The following ZDHHC9 variants were observed in gnomAD, a reference collection of about 807,000 sequenced individuals.
ZDHHC9 encodes the protein zDHHC palmitoyltransferase 9, also known as palmitoyltransferase ZDHHC9.
ZDHHC9 carries 3 observed loss-of-function variants against 26.6 expected under a neutral mutation model. The observed-to-expected ratio is 0.11, with a 90% confidence interval of 0.05 to 0.29. The LOEUF (loss-of-function observed/expected upper bound fraction) is 0.29, where lower values mean the gene tolerates loss of function less well. Ranked by LOEUF, ZDHHC9 falls within the 10% of genes least tolerant of loss-of-function variation. The pLI is 1.00. For missense variants in ZDHHC9, 146 were observed against 296.4 expected, an observed-to-expected ratio of 0.49 and a Z score of 3.73; for synonymous variants, 111 against 109.4, an observed-to-expected ratio of 1.01 and a Z score of -0.09.
intron 2 of ZDHHC9, 126 bp from the exon 3 acceptor site, chrX:129,842,206 T>C (rs1321615583): frequency 1.5e-5 from 6 of 402,981 alleles, no homozygotes; most frequent in East Asian, 8.4e-5. Flanking sequence ...GTGGGAAAAG[T>C]TTATTTCCAA....
At chrX:129,812,573 C>A in intron 8 of ZDHHC9, 145 bp downstream of exon 8, 1 of 552,322 alleles carries the variant, frequency 1.8e-6, no homozygotes, top group Non-Finnish European at 3.2e-6. Flanking sequence ...CTCTTCCACA[C>A]ATCTGACTTA....
intron 3 of ZDHHC9, among the ~76,000 whole-genome samples, chrX:129,834,448 A>T (rs909605429): frequency 3.6e-5 from 4 of 111,586 alleles, no homozygotes; most frequent in Admixed American, 1.9e-4. Context: ...ATTTACAATC[A>T]GCCTCCAGAT....
intron 2 of ZDHHC9, 80 bp from the exon 3 acceptor site, chrX:129,842,160 A>G (rs1329180918): frequency 2.0e-5 from 9 of 451,602 alleles, no homozygotes; most frequent in South Asian, 3.5e-5. Flanking sequence ...CAGAGACAGA[A>G]AGTTGAAAAC....
intron 3 of ZDHHC9, among the ~76,000 whole-genome samples, chrX:129,835,446 CAAAAAA>C (rs59940283): frequency 1.8e-5 from 1 of 54,234 alleles, no homozygotes; most frequent in African/African-American, 5.6e-5. Context: ...GACCCTATCT[CAAAAAA>C]AAAAAAAAAA....
intron 4 of ZDHHC9, among the ~76,000 whole-genome samples, chrX:129,824,283 T>TA (rs1451424001): frequency 9.0e-6 from 1 of 111,347 alleles, no homozygotes; most frequent in Non-Finnish European, 1.9e-5. Context: ...CAGCTGCTAC[T>TA]AAACTTTTTT....
intron 4 of ZDHHC9, among the ~76,000 whole-genome samples, chrX:129,826,826 A>T (rs1235710905): frequency 7.1e-5 from 8 of 111,952 alleles, no homozygotes; most frequent in Admixed American, 1.9e-4. Flanking sequence ...CCTTAGCTCA[A>T]CTAAAACAGG....
At chrX:129,808,768 A>G (rs1193743454) in intron 10 of ZDHHC9, among the ~76,000 whole-genome samples, 1 of 112,337 alleles carries the variant, frequency 8.9e-6, no homozygotes, top group African/African-American at 3.2e-5. Context: ...TATCAAGAAA[A>G]TTAAAAGATA....
In ZDHHC9 at chrX:129,805,492, T is replaced by A. The variant is rs1045615046; in HGVS notation, c.*878A>T. On this transcript the variant is annotated 3_prime_UTR_variant, in exon 11 of 11. Coordinates refer to ENST00000357166, the MANE Select transcript of ZDHHC9 (RefSeq NM_016032.4). ...TCAGGCTTCCTCTGAGGAAAAGAAATGACCAAAGTGCAGACTTTTATTACT... is the reference window on the plus strand; with the variant it reads ...TCAGGCTTCCTCTGAGGAAAAGAAAAGACCAAAGTGCAGACTTTTATTACT... The A allele has an allele frequency of 2.7e-5, 3 of 111,020 alleles. No individual in the cohort carries two copies. Among genetic ancestry groups the A allele is most frequent in the Admixed American group, 1.9e-4 (2 of 10,525 alleles). 9.1% of individuals were successfully genotyped at this position (111,020 alleles called of 1,213,427 possible).
intron 6 of ZDHHC9, 87 bp downstream of exon 6, chrX:129,814,571 C>T: frequency 2.6e-6 from 3 of 1,164,228 alleles, no homozygotes; most frequent in Non-Finnish European, 3.5e-6. Context: ...ATGGTACCAC[C>T]AGGAAACCCA....
At chrX:129,812,600 C>T (rs1602945521) in intron 8 of ZDHHC9, 118 bp downstream of exon 8, 2 of 611,085 alleles carry the variant, frequency 3.3e-6, no homozygotes, top group Admixed American at 2.2e-5. Context: ...TCGCATACCA[C>T]GTTTCTGCCT....
chrX:129,837,050 G>T (rs1311924340), intron 3 of ZDHHC9, among the ~76,000 whole-genome samples: 4 of 112,103 alleles, frequency 3.6e-5, no homozygotes, highest in Non-Finnish European at 7.5e-5. Context: ...ACGTTGGCTG[G>T]TCAACTCATC....
intron 3 of ZDHHC9, among the ~76,000 whole-genome samples, chrX:129,835,446 CAA>C (rs59940283): frequency 7.9e-4 from 43 of 54,167 alleles, no homozygotes; most frequent in African/African-American, 1.1e-3. Context: ...GACCCTATCT[CAA>C]AAAAAAAAAA....
At chrX:129,825,300 G>A (rs1210962587) in intron 4 of ZDHHC9, among the ~76,000 whole-genome samples, 3 of 111,642 alleles carry the variant, frequency 2.7e-5, no homozygotes, top group Non-Finnish European at 5.6e-5. Flanking sequence ...AAAAAACAAA[G>A]TATAAATAAG....
At chrX:129,812,085 C>CTT (rs770047894) in intron 8 of ZDHHC9, among the ~76,000 whole-genome samples, 1 of 101,510 alleles carries the variant, frequency 9.9e-6, no homozygotes, top group Non-Finnish European at 2.0e-5. Flanking sequence ...TAATTGCTAA[C>CTT]TTTTTTTTTT....
intron 3 of ZDHHC9, among the ~76,000 whole-genome samples, chrX:129,838,097 T>A (rs1030640939): frequency 1.8e-5 from 2 of 112,297 alleles, no homozygotes; most frequent in African/African-American, 3.2e-5. Context: ...CTTAAATACC[T>A]CACCCTAAGA....
chrX:129,819,346 T>TA (rs1334413774), intron 5 of ZDHHC9, among the ~76,000 whole-genome samples: 3 of 110,629 alleles, frequency 2.7e-5, no homozygotes, highest in Non-Finnish European at 3.8e-5. Flanking sequence ...CAGATATATA[T>TA]TTTTTACAGT....
chrX:129,832,729 G>A (rs969346048), intron 3 of ZDHHC9, among the ~76,000 whole-genome samples: 2 of 110,581 alleles, frequency 1.8e-5, no homozygotes, highest in Non-Finnish European at 3.8e-5. Flanking sequence ...CTTGCAGTGA[G>A]CGGAGATCGT....
At chrX:129,833,682 A>C (rs1383210935) in intron 3 of ZDHHC9, among the ~76,000 whole-genome samples, 4 of 112,222 alleles carry the variant, frequency 3.6e-5, no homozygotes, top group African/African-American at 1.3e-4. Context: ...TTGTTGGGGA[A>C]AACATAACTG....
At chrX:129,807,585 C>T (rs1193155425) in intron 10 of ZDHHC9, among the ~76,000 whole-genome samples, 1 of 111,136 alleles carries the variant, frequency 9.0e-6, no homozygotes, top group Non-Finnish European at 1.9e-5. Context: ...TTTGGGAGGC[C>T]GAGGAGGGTA....
Sources: allele counts gnomAD v4.1 joint callset (sites outside exome capture counted in the v4.1 genomes callset), GRCh38; gene constraint gnomAD v4.1.1; transcripts MANE v1.5; gene names NCBI Gene and HGNC (gene_info 2026-07-23, HGNC 2026-07-21).